ACYP2: variants seen among roughly 807,000 people sequenced by gnomAD.
ACYP2 encodes acylphosphatase 2.
Under a neutral mutation model 11.2 loss-of-function variants are expected in ACYP2, and 12 were observed. The observed-to-expected ratio is 1.08, with a 90% CI of 0.69 to 1.74. ACYP2 has a LOEUF of 1.74. Among genes scored for constraint, ACYP2 ranks in the 40% most tolerant of loss-of-function variants. The pLI, the probability that ACYP2 is intolerant of heterozygous loss-of-function variation, is 0.00. For missense variants in ACYP2, 134 were observed against 101.9 expected, an observed-to-expected ratio of 1.31 and a Z score of -1.35; for synonymous variants, 43 against 32.2, an observed-to-expected ratio of 1.33 and a Z score of -1.13.
chr2:53,981,784 A>G lies in ACYP2; in HGVS notation c.62+7974A>G, dbSNP rs114877994. Among the ~76,000 whole-genome samples, 1,288 of 152,328 alleles carry G rather than the reference A, an allele frequency of 8.5e-3. 19 individuals carry two copies. Among genetic ancestry groups the G allele is most frequent in the Non-Finnish European group, 9.6e-3 (651 of 68,036 alleles). On this transcript the variant is annotated intron_variant, in intron 2 of 6. Transcript: ENST00000607452. ...AGGCTACACCATATAGCCAAGGTGT[A>G]TAATAGGACACATAATCCAGGTTTG...
chr2:54,149,602 A>C (rs545983380), intron 6 of ACYP2, among the ~76,000 whole-genome samples: 399 of 152,242 alleles, frequency 2.6e-3, no homozygotes, highest in Non-Finnish European at 4.0e-3. Flanking sequence ...CCTTTGAATA[A>C]GTCCTCAGAA....
intron 2 of ACYP2, among the ~76,000 whole-genome samples, chr2:53,979,563 G>C (rs1052638557): frequency 6.6e-6 from 1 of 151,576 alleles, no homozygotes; most frequent in East Asian, 2.0e-4. Context: ...GGAGGTGGAG[G>C]TTGCAGTGAG....
chr2:54,231,645 C>T (rs1023555180), intron 6 of ACYP2, among the ~76,000 whole-genome samples: 2 of 152,158 alleles, frequency 1.3e-5, no homozygotes, highest in African/African-American at 4.8e-5. Flanking sequence ...TATGAAAAAA[C>T]AAATATATAT....
intron 6 of ACYP2, among the ~76,000 whole-genome samples, chr2:54,265,765 T>C (rs753913442): frequency 2.6e-5 from 4 of 152,258 alleles, no homozygotes; most frequent in Non-Finnish European, 5.9e-5. Context: ...GGAAAGTTAC[T>C]TTTGTGCCCA....
intron 4 of ACYP2, among the ~76,000 whole-genome samples, chr2:54,129,057 C>A (rs148858553): frequency 1.3e-5 from 2 of 152,186 alleles, no homozygotes; most frequent in East Asian, 3.9e-4. Context: ...AATTTGGCAC[C>A]CATATGTGTC....
chr2:53,973,853 A>ATGTG (rs1327140471), intron 2 of ACYP2: 16 of 113,412 alleles, frequency 1.4e-4, no homozygotes, highest in African/African-American at 3.8e-4. Flanking sequence ...TGGGATATAT[A>ATGTG]TATGTGTGTG....
At chr2:54,126,450 G>T (rs1680511140) in intron 4 of ACYP2, among the ~76,000 whole-genome samples, 1 of 152,056 alleles carries the variant, frequency 6.6e-6, no homozygotes, top group Admixed American at 6.5e-5. Context: ...CACTCAAAAA[G>T]CCAGGATGTC....
chr2:54,286,786 T>C (rs1689095571), intron 6 of ACYP2, among the ~76,000 whole-genome samples: 1 of 152,052 alleles, frequency 6.6e-6, no homozygotes, highest in Non-Finnish European at 1.5e-5. Context: ...GTTTGAAAAC[T>C]TTCAAAGACA....
At chr2:54,301,404 AAT>A (rs1689720803) in intron 6 of ACYP2, among the ~76,000 whole-genome samples, 1 of 152,168 alleles carries the variant, frequency 6.6e-6, no homozygotes, top group Non-Finnish European at 1.5e-5. Flanking sequence ...CCCTTTATAT[AAT>A]ATAAATCACA....
chr2:54,264,549 A>T (rs1032420520), intron 6 of ACYP2, among the ~76,000 whole-genome samples: 1 of 152,260 alleles, frequency 6.6e-6, no homozygotes, highest in East Asian at 1.9e-4. Flanking sequence ...GAAGCCAGGC[A>T]GACAGTGCTG....
At chr2:54,187,806 C>T (rs551708098) in intron 6 of ACYP2, among the ~76,000 whole-genome samples, 1 of 152,266 alleles carries the variant, frequency 6.6e-6, no homozygotes, top group East Asian at 1.9e-4. Flanking sequence ...CTCCAGAATT[C>T]ATGTGTTGGA....
intron 6 of ACYP2, among the ~76,000 whole-genome samples, chr2:54,251,336 G>A (rs1030341080): frequency 1.3e-5 from 2 of 151,832 alleles, no homozygotes; most frequent in Non-Finnish European, 2.9e-5. Context: ...TTTTCTGGCA[G>A]AGAGTTTCCA....
chr2:54,097,751 G>C (rs2103695331), intron 4 of ACYP2, among the ~76,000 whole-genome samples: 2 of 151,732 alleles, frequency 1.3e-5, no homozygotes, highest in South Asian at 2.1e-4. Flanking sequence ...TGTTATTTTA[G>C]CTAGAAATGC....
intron 2 of ACYP2, among the ~76,000 whole-genome samples, chr2:54,040,424 C>CCGGA (rs542778604): frequency 5.3e-5 from 8 of 151,938 alleles, no homozygotes; most frequent in Non-Finnish European, 5.9e-5. Flanking sequence ...GACATGCAGA[C>CCGGA]CGGACACTGT....
intron 6 of ACYP2, among the ~76,000 whole-genome samples, chr2:54,150,736 TTTC>T (rs1483056805): frequency 1.0e-5 from 1 of 97,886 alleles, no homozygotes; most frequent in Non-Finnish European, 2.1e-5. Flanking sequence ...TCTGCGTTTC[TTTC>T]TTTTTTTTTT....
At chr2:54,249,364 G>A (rs1161585092) in intron 6 of ACYP2, among the ~76,000 whole-genome samples, 1 of 151,690 alleles carries the variant, frequency 6.6e-6, no homozygotes, top group Non-Finnish European at 1.5e-5. Context: ...TTCCTACCTC[G>A]GTGGAGCTTG....
In ACYP2 at chr2:54,034,186, T is replaced by C. The variant is rs192642286; in HGVS notation, c.63-16772T>C. ...CAGCCTGGCCAACATGGTGAAACCC[T>C]GTCTCTACTAAAAATACAAAAATTA... is the stretch of plus-strand genomic sequence containing the variant. On this transcript the variant is annotated intron_variant, in intron 2 of 6. Transcript: ENST00000607452. Among the ~76,000 whole-genome samples, 4 of 152,172 alleles carry C rather than the reference T, an allele frequency of 2.6e-5. No homozygotes were observed. The East Asian group carries it at 7.8e-4, about 30-fold the overall frequency.
chr2:54,143,595 A>G (rs2103794152), intron 6 of ACYP2, among the ~76,000 whole-genome samples: 3 of 151,950 alleles, frequency 2.0e-5, no homozygotes, highest in Admixed American at 2.0e-4. Flanking sequence ...CACCACTCCC[A>G]GCTAATTTTT....
chr2:54,134,851 T>A (rs1338850510), intron 4 of ACYP2, among the ~76,000 whole-genome samples: 2 of 152,242 alleles, frequency 1.3e-5, no homozygotes, highest in African/African-American at 4.8e-5. Context: ...TATCATACAC[T>A]GTGGCCATAA....
Sources: gnomAD v4.1 joint callset for allele counts (sites outside exome capture counted in the v4.1 genomes callset) on GRCh38, gnomAD v4.1.1 for gene constraint, MANE v1.5 for transcripts, NCBI Gene and HGNC (gene_info 2026-07-23, HGNC 2026-07-21) for gene names.